GOLIM4: variants seen among roughly 807,000 people sequenced by gnomAD.
GOLIM4 encodes the protein golgi integral membrane protein 4.
A neutral mutation model predicts 107.4 loss-of-function variants in GOLIM4; 71 were observed. That is an observed-to-expected ratio of 0.66 (90% CI 0.55 to 0.81). The LOEUF (loss-of-function observed/expected upper bound fraction) is 0.81. Among genes scored for constraint, GOLIM4 ranks in the 30% least tolerant of loss-of-function variants. The probability of loss-of-function intolerance (pLI) is 0.00; values close to 1 mark genes in which losing one functional copy is unlikely to be tolerated. For synonymous variants in GOLIM4, 327 were observed against 294.8 expected (o/e 1.11, Z -1.12); for missense variants, 830 against 826.1 (o/e 1.00, Z -0.06).
intron 14 of GOLIM4, among the ~76,000 whole-genome samples, chr3:168,019,218 G>A (rs73878611): frequency 0.026 from 4,030 of 152,182 alleles, 180 homozygotes; most frequent in African/African-American, 0.093. Context: ...ACATGCAAAC[G>A]AAGAAAATCA....
chr3:168,019,124 AC>A (rs1717541354), intron 14 of GOLIM4, among the ~76,000 whole-genome samples: 2 of 152,206 alleles, frequency 1.3e-5, no homozygotes, highest in African/African-American at 4.8e-5. Context: ...AGTCAGAAAG[AC>A]CTGGACTAAA....
chr3:168,056,413 A>C (rs1038217075), intron 1 of GOLIM4, among the ~76,000 whole-genome samples: 7 of 152,164 alleles, frequency 4.6e-5, no homozygotes, highest in African/African-American at 1.7e-4. Flanking sequence ...GTGGAGTTGG[A>C]GCTCCCAAAC....
intron 5 of GOLIM4, among the ~76,000 whole-genome samples, chr3:168,042,626 A>G (rs755130750): frequency 6.6e-6 from 1 of 152,174 alleles, no homozygotes; most frequent in Non-Finnish European, 1.5e-5. Context: ...GAGTTCACCT[A>G]AATATTTGAT....
At chr3:168,033,372 G>A (rs1408196364) in intron 8 of GOLIM4, among the ~76,000 whole-genome samples, 6 of 151,972 alleles carry the variant, frequency 3.9e-5, no homozygotes, top group Non-Finnish European at 7.4e-5. Context: ...TTGGGAGGTC[G>A]AGGCGGGTGG....
chr3:168,080,474 G>C (rs964692836), intron 1 of GOLIM4, among the ~76,000 whole-genome samples: 4 of 152,084 alleles, frequency 2.6e-5, no homozygotes, highest in Non-Finnish European at 4.4e-5. Flanking sequence ...GTCACACTGG[G>C]AGCCACATTT....
At chr3:168,062,266 T>C (rs2108268838) in intron 1 of GOLIM4, among the ~76,000 whole-genome samples, 1 of 152,280 alleles carries the variant, frequency 6.6e-6, no homozygotes, top group Non-Finnish European at 1.5e-5. Flanking sequence ...GTGGAATCTC[T>C]GTCTGGTGCC....
chr3:168,044,998 A>G (rs1719220524), intron 3 of GOLIM4, 117 bp from the exon 4 acceptor site: 2 of 574,454 alleles, frequency 3.5e-6, no homozygotes, highest in Admixed American at 3.8e-5. Flanking sequence ...AGTAAAATGA[A>G]TTCTACATTT....
chr3:168,088,908 A>G (rs1422223965), intron 1 of GOLIM4, among the ~76,000 whole-genome samples: 1 of 152,226 alleles, frequency 6.6e-6, no homozygotes, highest in Non-Finnish European at 1.5e-5. Context: ...TCTACTTGGA[A>G]CTTAAACTAA....
At chr3:168,040,928 G>A in intron 6 of GOLIM4, 59 bp from the exon 7 acceptor site, 2 of 1,118,924 alleles carry the variant, frequency 1.8e-6, no homozygotes, top group Non-Finnish European at 2.7e-6. Context: ...ATTCTTCTTT[G>A]GCTGATCGTG....
At chr3:168,077,222 C>A (rs919117052) in intron 1 of GOLIM4, among the ~76,000 whole-genome samples, 6 of 152,200 alleles carry the variant, frequency 3.9e-5, no homozygotes, top group Non-Finnish European at 7.3e-5. Context: ...TGTAATGATA[C>A]ATCCACATTC....
intron 14 of GOLIM4, among the ~76,000 whole-genome samples, chr3:168,013,010 T>A (rs1187861871): frequency 1.3e-5 from 2 of 148,268 alleles, no homozygotes; most frequent in African/African-American, 5.2e-5. Context: ...GCTAACATCA[T>A]AATGACAGGA....
chr3:168,032,840 T>C lies in GOLIM4; in HGVS notation c.856A>G (p.Asn286Asp), dbSNP rs759527700. Residue 286 changes from asparagine to aspartate, a missense_variant, in exon 9 of 16, where the codon AAT becomes GAT. Transcript: ENST00000470487. ...TREVQEVSRN[N>D]DVWQNHEAVP... ...GCTTCATGGTTCTGCCACACATCATTATTTCGAGACACCTAGGCCAAGCAC... is the reference window on the plus strand; with the variant it reads ...GCTTCATGGTTCTGCCACACATCATCATTTCGAGACACCTAGGCCAAGCAC... 1 of 1,610,886 alleles carries C rather than the reference T, an allele frequency of 6.2e-7. No individual in the cohort carries two copies. The highest frequency in any genetic ancestry group is 1.1e-5 in the South Asian group (1 of 90,988).
chr3:168,016,787 C>T (rs1486699550), intron 14 of GOLIM4, among the ~76,000 whole-genome samples: 2 of 139,106 alleles, frequency 1.4e-5, no homozygotes, highest in Non-Finnish European at 2.9e-5. Flanking sequence ...TAAACTATCG[C>T]AAGAACAAAA....
intron 1 of GOLIM4, among the ~76,000 whole-genome samples, chr3:168,083,014 C>T (rs941970572): frequency 3.3e-5 from 5 of 152,164 alleles, no homozygotes; most frequent in African/African-American, 1.2e-4. Context: ...ATATTTTTCT[C>T]ATGTATTTGT....
chr3:168,019,018 A>G (rs751739064), intron 14 of GOLIM4, among the ~76,000 whole-genome samples: 8 of 151,932 alleles, frequency 5.3e-5, no homozygotes, highest in Admixed American at 2.0e-4. Flanking sequence ...ACTATAGACA[A>G]TACGTAAACA....
intron 1 of GOLIM4, among the ~76,000 whole-genome samples, chr3:168,088,872 A>C (rs997230759): frequency 6.6e-6 from 1 of 152,224 alleles, no homozygotes; most frequent in African/African-American, 2.4e-5. Context: ...AGAAAGAATA[A>C]AAAGAAATCA....
At chr3:168,082,844 T>C (rs1180916845) in intron 1 of GOLIM4, among the ~76,000 whole-genome samples, 1 of 151,968 alleles carries the variant, frequency 6.6e-6, no homozygotes, top group East Asian at 1.9e-4. Flanking sequence ...TCTACAGAAA[T>C]TCAACAACAA....
intron 1 of GOLIM4, among the ~76,000 whole-genome samples, chr3:168,054,253 A>T (rs1379438238): frequency 6.6e-6 from 1 of 152,234 alleles, no homozygotes; most frequent in Non-Finnish European, 1.5e-5. Flanking sequence ...GGGGGGGCAA[A>T]ACCTCCCAGT....
intron 1 of GOLIM4, among the ~76,000 whole-genome samples, chr3:168,080,619 A>G (rs1197504619): frequency 6.6e-6 from 1 of 152,096 alleles, no homozygotes; most frequent in Non-Finnish European, 1.5e-5. Flanking sequence ...AGGTGCTTCT[A>G]TAGGCCAGGC....
Sources: gnomAD v4.1 joint callset for allele counts (sites outside exome capture counted in the v4.1 genomes callset) on GRCh38, gnomAD v4.1.1 for gene constraint, MANE v1.5 for transcripts, NCBI Gene and HGNC (gene_info 2026-07-23, HGNC 2026-07-21) for gene names.